CA9: variants seen among roughly 807,000 people sequenced by gnomAD.
The protein encoded by CA9 is carbonic anhydrase 9, also known as CA-IX.
CA9 carries 43 observed loss-of-function variants against 51.8 expected under a neutral mutation model. That is an observed-to-expected ratio of 0.83 (90% confidence interval 0.65 to 1.07). The LOEUF (loss-of-function observed/expected upper bound fraction) is 1.07. Ranked by LOEUF, CA9 falls within the 50% of genes least tolerant of loss-of-function variation. The probability of loss-of-function intolerance (pLI) is 0.00; values close to 1 mark genes in which losing one functional copy is unlikely to be tolerated. For synonymous variants in CA9, 253 were observed against 244.2 expected (o/e 1.04, Z -0.34); for missense variants, 574 against 581.4 (o/e 0.99, Z 0.13).
At chr9:35,677,581 A>G (rs1243200683) in intron 5 of CA9, among the ~76,000 whole-genome samples, 1 of 152,168 alleles carries the variant, frequency 6.6e-6, no homozygotes, top group Non-Finnish European at 1.5e-5. Flanking sequence ...AGTTTGAAAT[A>G]ATACATAGGA....
intron 5 of CA9, among the ~76,000 whole-genome samples, chr9:35,677,478 T>TA (rs1354624142): frequency 2.1e-5 from 3 of 145,748 alleles, no homozygotes; most frequent in Non-Finnish European, 4.6e-5. Flanking sequence ...GAGCCTAGTA[T>TA]CCTAAGTAAA....
rs778093331 is a variant in CA9, at chr9:35,679,973, C to G, written c.1185C>G (p.Asp395Glu). The change falls in exon 8 of 11, where the codon GAC (aspartate) becomes GAG (glutamate). Residue 395 changes from aspartate to glutamate, a missense_variant. Transcript: ENST00000378357. ...VIEASFPAGV[D>E]SSPRAAEPVQ... is the part of the protein sequence containing the mutation. ...AGGCCTCCTTCCCTGCTGGAGTGGA[C>G]AGCAGTCCTCGGGCTGCTGAGCCAG... 6.2e-7 allele frequency: 1 copy of G among 1,614,220 alleles called. No homozygotes were observed. The highest frequency in any genetic ancestry group is 1.1e-5 in the South Asian group (1 of 91,082).
chr9:35,675,491 G>A, intron 1 of CA9, 47 bp from the exon 2 acceptor site: 1 of 1,610,068 alleles, frequency 6.2e-7, no homozygotes, highest in Non-Finnish European at 8.5e-7. Context: ...CGCCAGGAAG[G>A]GATTGGGGCT....
At chr9:35,676,640 A>G (rs1384530101) in intron 5 of CA9, among the ~76,000 whole-genome samples, 1 of 152,222 alleles carries the variant, frequency 6.6e-6, no homozygotes, top group Non-Finnish European at 1.5e-5. Context: ...TGACAGACAC[A>G]TAGGAAGGAC....
In CA9 at chr9:35,675,060, G is replaced by A. The variant is rs554980808; in HGVS notation, c.404-478G>A. Reference sequence around the variant, plus strand: ...GGCTGGAGTGCAATGGCGCGATCTCGGCTCACTGCAACCTCCACCTCCCGG... The same window carrying A: ...GGCTGGAGTGCAATGGCGCGATCTCAGCTCACTGCAACCTCCACCTCCCGG... On this transcript the variant is annotated intron_variant, in intron 1 of 10. Coordinates refer to ENST00000378357, the MANE Select transcript of CA9 (RefSeq NM_001216.3). 31 of 154,244 alleles carry A rather than the reference G, an allele frequency of 2.0e-4. 1 individual carries two copies. In the South Asian group the frequency reaches 3.7e-3, roughly 18 times the overall value. The allele number at this position is 154,244 out of a possible 1,614,324, so 9.6% of individuals were successfully genotyped here. A position where few individuals can be genotyped will look rare whatever the true frequency, so the allele number is the denominator to read the frequency against.
At chr9:35,674,580 G>C (rs1488107117) in intron 1 of CA9, 4 of 495,042 alleles carry the variant, frequency 8.1e-6, no homozygotes, top group Non-Finnish European at 1.4e-5. Flanking sequence ...GGAGAGAGGT[G>C]AGCTGGATGA....
chr9:35,679,038 G>T, intron 6 of CA9, 147 bp from the exon 7 acceptor site: 6 of 741,690 alleles, frequency 8.1e-6, no homozygotes, highest in Admixed American at 2.7e-5. Context: ...TTTGAGTTAC[G>T]TCTTATGGGA....
At chr9:35,675,443 C>T in intron 1 of CA9, 95 bp from the exon 2 acceptor site, 4 of 1,390,522 alleles carry the variant, frequency 2.9e-6, no homozygotes, top group Non-Finnish European at 3.1e-6. Context: ...ACCCGTAATG[C>T]TCCTGTAAGG....
chr9:35,680,262 A>C, intron 9 of CA9, 123 bp downstream of exon 9: 2 of 1,051,802 alleles, frequency 1.9e-6, no homozygotes, highest in African/African-American at 1.6e-5. Context: ...CAACCCCAAT[A>C]TTAGAGAGGC....
Position 35,676,166 on chromosome 9 carries a change from G to C in CA9, c.707G>C (p.Gly236Ala). 1 of 1,612,398 alleles carries C rather than the reference G, an allele frequency of 6.2e-7. No homozygotes were observed. Reference protein sequence around the residue: ...HLHWGAAGRPGSEHTVEGHRF... With the variant: ...HLHWGAAGRPASEHTVEGHRF... Reference sequence around the variant, plus strand: ...CACTGGGGGGCTGCAGGTCGTCCGGGCTCGGAGCACACTGTGGAAGGCCAC... The same window carrying C: ...CACTGGGGGGCTGCAGGTCGTCCGGCCTCGGAGCACACTGTGGAAGGCCAC... The change falls in exon 4 of 11, where the codon GGC (glycine) becomes GCC (alanine). Residue 236 changes from glycine to alanine, a missense_variant. Coordinates refer to ENST00000378357, the MANE Select transcript of CA9 (RefSeq NM_001216.3).
chr9:35,680,229 C>T, intron 9 of CA9, 90 bp downstream of exon 9: 1 of 1,471,066 alleles, frequency 6.8e-7, no homozygotes, highest in Non-Finnish European at 9.5e-7. Context: ...TCTGCTCCCT[C>T]TCCTTTTCTG....
rs775617196 is a variant in CA9 at position 35,676,314 on chromosome 9, C to G, written c.765C>G (p.Leu255=). 1 of 1,614,110 alleles carries G rather than the reference C, an allele frequency of 6.2e-7. No homozygotes were observed. The highest frequency in any genetic ancestry group is 8.5e-7 in the Non-Finnish European group (1 of 1,180,028). The change falls in exon 5 of 11, where the codon CTC becomes CTG. Residue 255 remains leucine, a synonymous_variant. Transcript: ENST00000378357. ...RFPAEIHVVH[L]STAFARVDEA... is the part of the protein sequence containing the mutation. ...CTTTTCAGATCCACGTGGTTCACCT[C>G]AGCACCGCCTTTGCCAGAGTTGACG...
In CA9 at chr9:35,680,843, C is replaced by T; in HGVS notation, c.1319+9C>T. 3 of 1,613,930 alleles carry T rather than the reference C, an allele frequency of 1.9e-6. No individual in the cohort carries two copies. The highest frequency in any genetic ancestry group is 2.5e-6 in the Non-Finnish European group (3 of 1,179,738). ...ATGAGAAGGCAGCACAGGTATTACA[C>T]TGACCCTTTCTTCAGGCACAAGCTT... On this transcript the variant is annotated intron_variant, in intron 10 of 10. Coordinates refer to ENST00000378357, the MANE Select transcript of CA9 (RefSeq NM_001216.3).
chr9:35,675,754 AC>A lies in CA9; in HGVS notation c.434-3del. 6.4e-7 allele frequency: 1 copy of A among 1,564,082 alleles called. No homozygotes were observed. Among genetic ancestry groups the A allele is most frequent in the Non-Finnish European group, 8.6e-7 (1 of 1,160,876 alleles). The stretch of plus-strand genomic sequence containing the variant: ...TCAGACTTCCTCACTATACTCTCCC[AC>A]CCCAGGCGACCCGCCCTGGCCCCGG... On this transcript the variant is annotated splice_polypyrimidine_tract_variant and splice_region_variant and intron_variant, in intron 2 of 10. Coordinates refer to ENST00000378357, the MANE Select transcript of CA9 (RefSeq NM_001216.3).
Position 35,676,125 on chromosome 9 carries a change from T to TCTGAAG in CA9, c.669_670insAAGCTG (p.Leu223_Gln224insLysLeu), listed in dbSNP as rs1554657438. 4 of 1,613,562 alleles carry TCTGAAG rather than the reference T, an allele frequency of 2.5e-6. No individual in the cohort carries two copies. The highest frequency in any genetic ancestry group is 8.5e-7 in the Non-Finnish European group (1 of 1,179,840). ...TGGGTCCCGGGCGGGAGTACCGGGC[T>TCTGAAG]CTGCAGCTGCATCTGCACTGGGGGG... On this transcript the variant is annotated inframe_insertion, in exon 4 of 11. Transcript: ENST00000378357.
rs1351753840 is a variant in CA9 at position 35,673,937 on chromosome 9, T to C, written c.-23T>C. 3 of 1,572,982 alleles carry C rather than the reference T, an allele frequency of 1.9e-6. No individual in the cohort carries two copies. The highest frequency in any genetic ancestry group is 2.6e-6 in the Non-Finnish European group (3 of 1,159,138). ...CGTACAGCCCGTACACACCGTGTGC[T>C]GGGACACCCCACAGTCAGCCGCATG... On this transcript the variant is annotated 5_prime_UTR_variant, in exon 1 of 11. Transcript: ENST00000378357.
chr9:35,674,264 CAGA>C lies in CA9; in HGVS notation c.312_314del (p.Glu105del), dbSNP rs1394757877. ...GATCTACCTGAAGTTAAGCCTAAAT[CAGA>C]AGAAGAGGGCTCCCTGAAGTTAGAG... On this transcript the variant is annotated inframe_deletion, in exon 1 of 11. Coordinates refer to ENST00000378357, the MANE Select transcript of CA9 (RefSeq NM_001216.3). 6.8e-6 allele frequency: 11 copies of C among 1,614,130 alleles called. No individual in the cohort carries two copies. Among genetic ancestry groups the C allele is most frequent in the Middle Eastern group, 1.6e-4 (1 of 6,062 alleles).
chr9:35,674,691 G>A (rs1824383428), intron 1 of CA9: 1 of 227,150 alleles, frequency 4.4e-6, no homozygotes, highest in Admixed American at 5.1e-5. Context: ...GAGAAGGAGA[G>A]TCAGAGAGTT....
Position 35,678,003 on chromosome 9 carries a change from T to C in CA9, c.907+147T>C, listed in dbSNP as rs1327984720. 8.6e-6 allele frequency: 6 copies of C among 696,882 alleles called. No homozygotes were observed. In the East Asian group the frequency reaches 1.3e-4, roughly 16 times the overall value. 43.2% of individuals were successfully genotyped at this position (696,882 alleles called of 1,614,324 possible). A position where few individuals can be genotyped will look rare whatever the true frequency, so the allele number is the denominator to read the frequency against. On this transcript the variant is annotated intron_variant, in intron 6 of 10. Coordinates refer to ENST00000378357, the MANE Select transcript of CA9 (RefSeq NM_001216.3). ...CCAGCGCTCATCTTGATAATAACCA[T>C]GAAGCTGACAGACACAGTTACCCGC...
Sources: gnomAD v4.1 joint callset for allele counts (sites outside exome capture counted in the v4.1 genomes callset) on GRCh38, gnomAD v4.1.1 for gene constraint, MANE v1.5 for transcripts, NCBI Gene and HGNC (gene_info 2026-07-23, HGNC 2026-07-21) for gene names.